The following PRSS23 variants were observed in gnomAD, a reference collection of about 807,000 sequenced individuals.
PRSS23 encodes the protein protease, serine 23.
In PRSS23, 25 loss-of-function variants were observed where a neutral mutation model predicts 34.7. The observed-to-expected ratio is 0.72, with a 90% CI of 0.53 to 1.01. The LOEUF is 1.01. Ranked by LOEUF, PRSS23 falls within the 50% of genes least tolerant of loss-of-function variation. PRSS23 has a pLI of 0.00. For synonymous variants in PRSS23, 176 were observed against 186.6 expected (o/e 0.94, Z 0.46); for missense variants, 445 against 475.6 (o/e 0.94, Z 0.60).
rs568507281 is a variant in PRSS23, at chr11:86,830,352, G to A, written c.206+6759G>A. 1.6e-3 allele frequency among the ~76,000 whole-genome samples: 239 copies of A among 152,304 alleles called. 1 individual carries two copies. The highest frequency in any genetic ancestry group is 2.6e-3 in the Non-Finnish European group (175 of 68,018). ...TTTTTAAGCCTGTCGGAAAAGCGCA[G>A]TATTAGGGTGGGAGTGACCCGATTT... On this transcript the variant is annotated intron_variant, in intron 2 of 2. Transcript: ENST00000533902.
downstream of PRSS23, among the ~76,000 whole-genome samples, chr11:86,812,345 G>A (rs1435272112): frequency 6.6e-6 from 1 of 152,178 alleles, no homozygotes; most frequent in Non-Finnish European, 1.5e-5. Context: ...CTCCAATAGG[G>A]GAAGGGCATT....
At chr11:86,884,362 C>T (rs553918624) in intron 2 of PRSS23, among the ~76,000 whole-genome samples, 7 of 152,106 alleles carry the variant, frequency 4.6e-5, no homozygotes, top group Non-Finnish European at 8.8e-5. Context: ...TGCAGTGGTG[C>T]GATCTCGGCT....
chr11:86,823,000 G>A (rs1405590225), intron 1 of PRSS23, among the ~76,000 whole-genome samples: 1 of 152,172 alleles, frequency 6.6e-6, no homozygotes, highest in Admixed American at 6.5e-5. Context: ...CAGCTGAACT[G>A]GAGCCACAGA....
At chr11:86,826,195 C>T (rs983803328) in intron 2 of PRSS23, among the ~76,000 whole-genome samples, 101 of 151,970 alleles carry the variant, frequency 6.6e-4, no homozygotes, top group African/African-American at 2.2e-3. Flanking sequence ...AGGTCCTTCA[C>T]GTCCCTTGTA....
chr11:86,949,485 GC>G (rs1211709137), intron 2 of PRSS23: 1 of 151,346 alleles, frequency 6.6e-6, no homozygotes, highest in Non-Finnish European at 1.5e-5. Flanking sequence ...TCATTGCAAA[GC>G]AGTTGCTGAA....
upstream of PRSS23, among the ~76,000 whole-genome samples, chr11:86,798,300 C>T (rs1053783041): frequency 7.2e-5 from 11 of 152,350 alleles, no homozygotes; most frequent in Non-Finnish European, 1.5e-4. Flanking sequence ...GATTGCAGCA[C>T]CTGTGTGTAC....
At position 86,808,838 on chromosome 11, in the gene PRSS23, T is replaced by C; in HGVS notation, c.*43T>C. On this transcript the variant is annotated 3_prime_UTR_variant, in exon 2 of 2. Coordinates refer to ENST00000280258, the MANE Select transcript of PRSS23 (RefSeq NM_007173.6). ...GCAGCAATTAAGGGTCTTCATGTTC[T>C]TATTTTAGGAGAGGCCAAATTGTTT... 1 of 1,532,816 alleles carries C rather than the reference T, an allele frequency of 6.5e-7. No homozygotes were observed. Among genetic ancestry groups the C allele is most frequent in the Non-Finnish European group, 8.8e-7 (1 of 1,133,000 alleles). 95.0% of individuals were successfully genotyped at this position (1,532,816 alleles called of 1,614,324 possible).
downstream of PRSS23, among the ~76,000 whole-genome samples, chr11:86,812,800 A>AAG (rs1555069895): frequency 6.8e-6 from 1 of 147,726 alleles, no homozygotes; most frequent in Non-Finnish European, 1.5e-5. Context: ...AAAAAAAAAA[A>AAG]AAAAGAAAAA....
intron 2 of PRSS23, among the ~76,000 whole-genome samples, chr11:86,941,459 C>G (rs143778441): frequency 1.3e-5 from 2 of 151,200 alleles, no homozygotes; most frequent in Non-Finnish European, 3.0e-5. Context: ...GGCTGGCACA[C>G]GATGGACCCT....
chr11:86,855,898 A>T (rs1268325389), intron 2 of PRSS23, among the ~76,000 whole-genome samples: 3 of 152,138 alleles, frequency 2.0e-5, no homozygotes, highest in South Asian at 2.1e-4. Flanking sequence ...CTGCAATCTC[A>T]CCCATTTCTG....
At chr11:86,853,135 C>G (rs923483137) in intron 2 of PRSS23, among the ~76,000 whole-genome samples, 1 of 148,854 alleles carries the variant, frequency 6.7e-6, no homozygotes, top group Non-Finnish European at 1.5e-5. Flanking sequence ...GTTACAGGTG[C>G]GAGCCACTGA....
At chr11:86,861,194 T>G (rs1027425046) in intron 2 of PRSS23, among the ~76,000 whole-genome samples, 2 of 150,204 alleles carry the variant, frequency 1.3e-5, no homozygotes, top group African/African-American at 4.9e-5. Context: ...ACGGGGGGTG[T>G]CCACCCTCCT....
intron 2 of PRSS23, chr11:86,945,722 C>CT (rs1949237025): frequency 6.6e-6 from 1 of 152,616 alleles, no homozygotes; most frequent in African/African-American, 2.4e-5. Context: ...AATTAAATAG[C>CT]AAGGGGTTTT....
intron 2 of PRSS23, among the ~76,000 whole-genome samples, chr11:86,842,666 T>A (rs1948457371): frequency 1.3e-5 from 2 of 152,282 alleles, no homozygotes; most frequent in South Asian, 4.1e-4. Context: ...GAACTCCCAT[T>A]CACAACTGTG....
chr11:86,938,060 G>A lies in PRSS23; in HGVS notation c.207-13156G>A, dbSNP rs921871. 4.1e-3 allele frequency among the ~76,000 whole-genome samples: 629 copies of A among 152,246 alleles called. 3 individuals are homozygous for A. The highest frequency in any genetic ancestry group is 0.014 in the African/African-American group (597 of 41,548). ...TTGTCAACACTACCTTGAACTAGTTGCCCCACTCCTAATTTGCTCCTGTCA... is the reference window on the plus strand; with the variant it reads ...TTGTCAACACTACCTTGAACTAGTTACCCCACTCCTAATTTGCTCCTGTCA... On this transcript the variant is annotated intron_variant, in intron 2 of 2. Transcript: ENST00000533902.
rs1224827269 is a variant in PRSS23, at chr11:86,808,997, A to T, written c.*202A>T. ...AAAACTGGTTTGTGTATCATATCATATATCATTTAAGCAGTTTGAAGGCAT... is the reference window on the plus strand; with the variant it reads ...AAAACTGGTTTGTGTATCATATCATTTATCATTTAAGCAGTTTGAAGGCAT... On this transcript the variant is annotated 3_prime_UTR_variant, in exon 2 of 2. Transcript: ENST00000280258. The T allele has an allele frequency of 4.1e-5, 21 of 515,830 alleles. No individual in the cohort carries two copies. In the Admixed American group the frequency reaches 6.0e-4, roughly 15 times the overall value. The allele number at this position is 515,830 out of a possible 1,614,324, so 32.0% of individuals were successfully genotyped here. A position where few individuals can be genotyped will look rare whatever the true frequency, so the allele number is the denominator to read the frequency against.
In PRSS23 at chr11:86,800,572, G is replaced by A; in HGVS notation, c.-93G>A. 1.0e-6 allele frequency: 1 copy of A among 984,886 alleles called. No homozygotes were observed. Among genetic ancestry groups the A allele is most frequent in the Non-Finnish European group, 1.2e-6 (1 of 829,774 alleles). The allele number at this position is 984,886 out of a possible 1,614,324, so 61.0% of individuals were successfully genotyped here. The stretch of plus-strand genomic sequence containing the variant: ...CGGCTGTGCGGCGGGGCAGGCATGG[G>A]AGCCGCGCGCTCTCTCCCGGCGCCC... On this transcript the variant is annotated 5_prime_UTR_variant, in exon 1 of 2. Transcript: ENST00000280258.
intron 2 of PRSS23, among the ~76,000 whole-genome samples, chr11:86,880,255 A>G (rs56900640): frequency 0.52 from 77,457 of 147,564 alleles, 21,710 homozygotes; most frequent in African/African-American, 0.72. Flanking sequence ...CAGCATGCTC[A>G]TTAAGAGTCA....
At chr11:86,868,042 G>A (rs1341140853) in intron 2 of PRSS23, among the ~76,000 whole-genome samples, 1 of 151,338 alleles carries the variant, frequency 6.6e-6, no homozygotes, top group African/African-American at 2.4e-5. Flanking sequence ...CATAATGAAT[G>A]ATAATTCAAG....
Sources: allele counts gnomAD v4.1 joint callset (sites outside exome capture counted in the v4.1 genomes callset), GRCh38; gene constraint gnomAD v4.1.1; transcripts MANE v1.5; gene names NCBI Gene and HGNC (gene_info 2026-07-23, HGNC 2026-07-21).